The following RFX3 variants were observed in gnomAD, a reference collection of about 807,000 sequenced individuals.
The protein encoded by RFX3 is transcription factor RFX3.
Under a neutral mutation model 98.6 loss-of-function variants are expected in RFX3, and 14 were observed. The ratio of observed to expected loss-of-function variants is 0.14; its 90% CI spans 0.09 to 0.22. RFX3 has a LOEUF of 0.22. Among genes scored for constraint, RFX3 ranks in the 10% least tolerant of loss-of-function variants. The pLI, the probability that RFX3 is intolerant of heterozygous loss-of-function variation, is 1.00. For synonymous variants in RFX3, 383 were observed against 328.4 expected (o/e 1.17, Z -1.80); for missense variants, 639 against 926.9 (o/e 0.69, Z 4.03).
chr9:3,385,287 C>G (rs547471734), intron 2 of RFX3, among the ~76,000 whole-genome samples: 1 of 152,058 alleles, frequency 6.6e-6, no homozygotes, highest in African/African-American at 2.4e-5. Flanking sequence ...AGAACTAATG[C>G]TAAAATTGAT....
intron 2 of RFX3, among the ~76,000 whole-genome samples, chr9:3,365,364 T>C (rs1836938346): frequency 6.6e-6 from 1 of 151,666 alleles, no homozygotes; most frequent in Admixed American, 6.6e-5. Flanking sequence ...ATGAGGTAGT[T>C]TGCAAAAGAC....
intron 1 of RFX3, among the ~76,000 whole-genome samples, chr9:3,445,969 C>G (rs1846009064): frequency 6.6e-6 from 1 of 151,960 alleles, no homozygotes; most frequent in Non-Finnish European, 1.5e-5. Flanking sequence ...TTAGATGTAC[C>G]TCCTTTTACA....
chr9:3,280,510 T>C (rs1825795364), intron 7 of RFX3, among the ~76,000 whole-genome samples: 1 of 151,678 alleles, frequency 6.6e-6, no homozygotes, highest in African/African-American at 2.4e-5. Flanking sequence ...AAGGAAAATA[T>C]CCTACCCCTA....
intron 3 of RFX3, among the ~76,000 whole-genome samples, chr9:3,345,605 T>C (rs940463950): frequency 1.3e-5 from 2 of 152,006 alleles, no homozygotes; most frequent in African/African-American, 2.4e-5. Context: ...CCAATAAGAG[T>C]GAAATTATTC....
At chr9:3,393,348 T>C (rs12553270) in intron 2 of RFX3, among the ~76,000 whole-genome samples, 13,581 of 152,110 alleles carry the variant, frequency 0.089, 1,316 homozygotes, top group East Asian at 0.55. Context: ...TATTAAGACC[T>C]GGTGTAAATA....
intron 1 of RFX3, among the ~76,000 whole-genome samples, chr9:3,463,292 A>G (rs978147379): frequency 6.6e-6 from 1 of 152,144 alleles, no homozygotes; most frequent in Non-Finnish European, 1.5e-5. Flanking sequence ...GTCTTTTTCA[A>G]CAAATGGAAC....
intron 1 of RFX3, among the ~76,000 whole-genome samples, chr9:3,405,202 GA>G (rs1024241703): frequency 6.7e-6 from 1 of 149,882 alleles, no homozygotes; most frequent in Non-Finnish European, 1.5e-5. Context: ...CCTTTGAACA[GA>G]AAAAAAAACC....
chr9:3,421,308 G>A (rs1197435170), intron 1 of RFX3, among the ~76,000 whole-genome samples: 1 of 152,162 alleles, frequency 6.6e-6, no homozygotes, highest in East Asian at 1.9e-4. Flanking sequence ...AAGCAATGGA[G>A]AAGAAACCCC....
chr9:3,420,242 G>A (rs1327075982), intron 1 of RFX3, among the ~76,000 whole-genome samples: 3 of 152,102 alleles, frequency 2.0e-5, no homozygotes, highest in Non-Finnish European at 4.4e-5. Flanking sequence ...TCAAGGCCAG[G>A]AAAGCACTCA....
intron 1 of RFX3, among the ~76,000 whole-genome samples, chr9:3,403,788 T>C (rs1841699487): frequency 1.3e-5 from 2 of 152,178 alleles, no homozygotes; most frequent in Admixed American, 1.3e-4. Context: ...GGCAGCATTA[T>C]TTACAGAGCC....
chr9:3,322,263 T>C (rs1340080420), intron 4 of RFX3, among the ~76,000 whole-genome samples: 1 of 152,178 alleles, frequency 6.6e-6, no homozygotes, highest in Non-Finnish European at 1.5e-5. Flanking sequence ...GCCTTTCCAG[T>C]TATTCAAGTT....
intron 7 of RFX3, among the ~76,000 whole-genome samples, chr9:3,282,921 G>C (rs982767606): frequency 2.6e-5 from 4 of 151,696 alleles, no homozygotes; most frequent in Non-Finnish European, 5.9e-5. Context: ...TTGCCAATGA[G>C]ATCTTGCATG....
intron 4 of RFX3, among the ~76,000 whole-genome samples, chr9:3,323,522 G>T (rs921013353): frequency 6.6e-6 from 1 of 151,988 alleles, no homozygotes; most frequent in Non-Finnish European, 1.5e-5. Context: ...TAAATCTAAG[G>T]AAGGATCAAG....
intron 4 of RFX3, among the ~76,000 whole-genome samples, chr9:3,305,419 G>A (rs1435969644): frequency 3.9e-5 from 6 of 151,968 alleles, no homozygotes; most frequent in African/African-American, 1.4e-4. Flanking sequence ...ATAGGTGAAA[G>A]CAAAGTGTGC....
chr9:3,344,319 T>C (rs1834201172), intron 3 of RFX3, among the ~76,000 whole-genome samples: 2 of 152,214 alleles, frequency 1.3e-5, no homozygotes, highest in South Asian at 4.1e-4. Flanking sequence ...GAATTTTTTA[T>C]TTTTTCACAT....
intron 1 of RFX3, among the ~76,000 whole-genome samples, chr9:3,429,409 T>C (rs990550077): frequency 8.7e-5 from 13 of 149,354 alleles, no homozygotes; most frequent in African/African-American, 2.9e-4. Flanking sequence ...ATACTATATA[T>C]ATAATATACA....
intron 1 of RFX3, among the ~76,000 whole-genome samples, chr9:3,467,571 T>G (rs1395096565): frequency 6.6e-6 from 1 of 152,048 alleles, no homozygotes; most frequent in Non-Finnish European, 1.5e-5. Flanking sequence ...TCCATTCACT[T>G]ATGATATTAA....
At chr9:3,274,923 C>T (rs946098085) in intron 9 of RFX3, among the ~76,000 whole-genome samples, 1 of 151,924 alleles carries the variant, frequency 6.6e-6, no homozygotes, top group Non-Finnish European at 1.5e-5. Flanking sequence ...CATATATACA[C>T]ATACATAAAC....
At chr9:3,282,959 A>G (rs1826103870) in intron 7 of RFX3, among the ~76,000 whole-genome samples, 2 of 151,782 alleles carry the variant, frequency 1.3e-5, no homozygotes, top group African/African-American at 4.8e-5. Flanking sequence ...AATATTTTAA[A>G]TGTTCCACAA....
Sources: allele counts gnomAD v4.1 joint callset (sites outside exome capture counted in the v4.1 genomes callset), GRCh38; gene constraint gnomAD v4.1.1; transcripts MANE v1.5; gene names NCBI Gene and HGNC (gene_info 2026-07-23, HGNC 2026-07-21).